CAPN8: variants seen among roughly 807,000 people sequenced by gnomAD.
CAPN8 encodes calpain-8.
In CAPN8, 87 loss-of-function variants were observed where a neutral mutation model predicts 80.9. The ratio of observed to expected loss-of-function variants is 1.07; its 90% CI spans 0.90 to 1.28. The LOEUF is 1.28. CAPN8 is among the 50% of genes most tolerant of loss of function. The pLI is 0.00. For missense variants in CAPN8, 757 were observed against 702.0 expected (o/e 1.08, Z -0.89); for synonymous variants, 299 against 273.8 (o/e 1.09, Z -0.91).
intron 2 of CAPN8, among the ~76,000 whole-genome samples, chr1:223,645,152 T>C (rs111575087): frequency 0.096 from 14,620 of 152,072 alleles, 822 homozygotes; most frequent in East Asian, 0.21. Flanking sequence ...CTGAAGAACT[T>C]GGTGTCTGAT....
In CAPN8 at chr1:223,632,034, G is replaced by A. The variant is rs149280434; in HGVS notation, c.308-3254C>T. ...AGTCACGGCAACAAAATGTCCCTCC[G>A]TTGCTGACATCAAATGAGGTGGCCC... On this transcript the variant is annotated intron_variant, in intron 2 of 20. Transcript: ENST00000366872. Among the ~76,000 whole-genome samples the A allele has an allele frequency of 2.5e-3, 378 of 152,070 alleles. 1 individual carries two copies. The highest frequency in any genetic ancestry group is 8.4e-3 in the African/African-American group (350 of 41,458).
At chr1:223,543,984 CTGGTTCTGCCCCT>C in intron 19 of CAPN8, 70 bp downstream of exon 19, 2 of 686,522 alleles carry the variant, frequency 2.9e-6, no homozygotes, top group Non-Finnish European at 2.7e-6. Flanking sequence ...AAGGCAATGT[CTGGTTCTGCCCCT>C]TGGCCCTGCC....
intron 1 of CAPN8, among the ~76,000 whole-genome samples, chr1:223,661,152 T>C (rs1467846040): frequency 7.1e-6 from 1 of 140,044 alleles, no homozygotes; most frequent in Non-Finnish European, 1.5e-5. Context: ...GGCAACAGAG[T>C]GAGACCCTGT....
intron 20 of CAPN8, among the ~76,000 whole-genome samples, chr1:223,542,131 T>C (rs1373550671): frequency 2.6e-5 from 4 of 151,924 alleles, no homozygotes. Context: ...CACACACACA[T>C]ACATATATAC....
intron 14 of CAPN8, among the ~76,000 whole-genome samples, 183 bp downstream of exon 14, chr1:223,553,649 T>C (rs940714140): frequency 0.91 from 137,726 of 152,180 alleles, 62,689 homozygotes; most frequent in Middle Eastern, 0.96. Context: ...AATTCCCAAG[T>C]GATGAAGGAA....
intron 1 of CAPN8, among the ~76,000 whole-genome samples, chr1:223,662,978 T>A (rs774822820): frequency 1.3e-5 from 2 of 152,224 alleles, no homozygotes; most frequent in Non-Finnish European, 2.9e-5. Context: ...CAAAAGCAGC[T>A]GTGTGATAAT....
chr1:223,557,992 A>C (rs1291317707), intron 13 of CAPN8, 139 bp downstream of exon 13: 5 of 391,994 alleles, frequency 1.3e-5, no homozygotes, highest in Non-Finnish European at 2.2e-5. Flanking sequence ...AGGAAGAGAC[A>C]GGGACTAGAA....
intron 15 of CAPN8, among the ~76,000 whole-genome samples, chr1:223,550,680 C>A (rs74145911): frequency 0.03 from 4,510 of 152,196 alleles, 167 homozygotes; most frequent in African/African-American, 0.089. Context: ...TCTCCTGGGA[C>A]TCAGCCTGCA....
At chr1:223,634,947 A>G (rs959521801) in intron 2 of CAPN8, among the ~76,000 whole-genome samples, 1 of 152,266 alleles carries the variant, frequency 6.6e-6, no homozygotes, top group African/African-American at 2.4e-5. Context: ...TGAAACAGAC[A>G]GAGGCATAAT....
chr1:223,626,753 G>A (rs1219424998), intron 5 of CAPN8, among the ~76,000 whole-genome samples: 9 of 152,188 alleles, frequency 5.9e-5, no homozygotes, highest in Admixed American at 4.6e-4. Context: ...CTCTAACAAC[G>A]AGAGGGAAAT....
intron 2 of CAPN8, chr1:223,644,113 T>C (rs2102727627): frequency 3.2e-6 from 1 of 314,650 alleles, no homozygotes; most frequent in Non-Finnish European, 6.2e-6. Flanking sequence ...TCATTTCTAG[T>C]TGGAGACACT....
chr1:223,613,158 A>G (rs1657077575), intron 10 of CAPN8, among the ~76,000 whole-genome samples: 1 of 152,148 alleles, frequency 6.6e-6, no homozygotes, highest in African/African-American at 2.4e-5. Context: ...ACCATCCATT[A>G]TTTGTGGTTT....
chr1:223,629,625 A>G (rs1396252990), intron 2 of CAPN8, among the ~76,000 whole-genome samples: 3 of 152,172 alleles, frequency 2.0e-5, no homozygotes, highest in Admixed American at 6.5e-5. Context: ...CTACCTTAGC[A>G]TCCTATGGCG....
At chr1:223,612,283 T>C in intron 10 of CAPN8, 26 bp from the exon 11 acceptor site, 1 of 1,234,208 alleles carries the variant, frequency 8.1e-7, no homozygotes, top group South Asian at 4.1e-5. Flanking sequence ...AAAGAGCAGG[T>C]CACCTGAGAG....
At chr1:223,625,443 T>C (rs2102711170) in intron 6 of CAPN8, among the ~76,000 whole-genome samples, 1 of 152,316 alleles carries the variant, frequency 6.6e-6, no homozygotes, top group South Asian at 2.1e-4. Flanking sequence ...TCTTTTATTT[T>C]TTTTGTTTTA....
chr1:223,650,458 C>T (rs2102732917), intron 2 of CAPN8, among the ~76,000 whole-genome samples: 1 of 152,320 alleles, frequency 6.6e-6, no homozygotes, highest in Non-Finnish European at 1.5e-5. Flanking sequence ...AAGACCCAAA[C>T]CATAACATCA....
intron 1 of CAPN8, among the ~76,000 whole-genome samples, chr1:223,659,009 AC>A (rs1257553509): frequency 2.0e-5 from 3 of 151,970 alleles, no homozygotes; most frequent in Non-Finnish European, 2.9e-5. Flanking sequence ...CACACTTAGA[AC>A]CCTTTTTTAT....
intron 2 of CAPN8, among the ~76,000 whole-genome samples, chr1:223,639,707 C>T (rs903925396): frequency 2.0e-5 from 3 of 152,262 alleles, no homozygotes; most frequent in Non-Finnish European, 2.9e-5. Flanking sequence ...TCCTTCTTTG[C>T]TCAAATAAAC....
intron 2 of CAPN8, among the ~76,000 whole-genome samples, chr1:223,634,022 C>A (rs150781331): frequency 5.3e-4 from 80 of 152,258 alleles, no homozygotes; most frequent in African/African-American, 1.7e-3. Flanking sequence ...GAAGCAGAAG[C>A]CAAAGCAGGG....
Sources: gnomAD v4.1 joint callset for allele counts (sites outside exome capture counted in the v4.1 genomes callset) on GRCh38, gnomAD v4.1.1 for gene constraint, MANE v1.5 for transcripts, NCBI Gene and HGNC (gene_info 2026-07-23, HGNC 2026-07-21) for gene names.